The following NTNG2 variants were observed in gnomAD, a reference collection of about 807,000 sequenced individuals.
NTNG2 encodes netrin-G2.
NTNG2 carries 15 observed loss-of-function variants against 47.6 expected under a neutral mutation model. That is an observed-to-expected ratio of 0.32 (90% CI 0.21 to 0.49). The LOEUF (loss-of-function observed/expected upper bound fraction) is 0.49, where lower values mean the gene tolerates loss of function less well. Among genes scored for constraint, NTNG2 ranks in the 20% least tolerant of loss-of-function variants. NTNG2 has a pLI of 0.99. For synonymous variants in NTNG2, 307 were observed against 324.6 expected (o/e 0.95, Z 0.58); for missense variants, 578 against 764.6 (o/e 0.76, Z 2.88).
chr9:132,164,834 G>T (rs1364654593), intron 1 of NTNG2, among the ~76,000 whole-genome samples: 1 of 152,246 alleles, frequency 6.6e-6, no homozygotes. Context: ...TGAGTCCCAT[G>T]CCTGGAGCCC....
chr9:132,170,854 C>A (rs375029497), intron 2 of NTNG2, among the ~76,000 whole-genome samples: 1 of 152,280 alleles, frequency 6.6e-6, no homozygotes, highest in South Asian at 2.1e-4. Flanking sequence ...CCACAACTGC[C>A]GAGCCAGACT....
intron 7 of NTNG2, 127 bp downstream of exon 7, chr9:132,241,171 C>A (rs1589574466): frequency 8.2e-7 from 1 of 1,220,274 alleles, no homozygotes; most frequent in Non-Finnish European, 1.1e-6. Flanking sequence ...CGGGGCAGGG[C>A]CGGGGAAGTG....
At chr9:132,166,041 C>T (rs1835488969) in intron 1 of NTNG2, 1 of 152,184 alleles carries the variant, frequency 6.6e-6, no homozygotes, top group East Asian at 1.9e-4. Context: ...AAGTCAGACC[C>T]CAGGTACCTG....
intron 5 of NTNG2, among the ~76,000 whole-genome samples, chr9:132,235,650 G>A (rs1339070072): frequency 6.6e-6 from 1 of 152,118 alleles, no homozygotes; most frequent in African/African-American, 2.4e-5. Flanking sequence ...TTCCCCCCAA[G>A]AGTGGACCAG....
chr9:132,236,609 T>C lies in NTNG2; in HGVS notation c.1055-2495T>C, dbSNP rs188952585. Among the ~76,000 whole-genome samples, 912 of 152,178 alleles carry C rather than the reference T, an allele frequency of 6.0e-3. 4 individuals carry two copies. The highest frequency in any genetic ancestry group is 0.024 in the Middle Eastern group (7 of 294). ...GCGCTGGAAGCATGTTTAGAGAGGGTCTGAGGCTCGGTTCCTAGAAACCTG... is the reference window on the plus strand; with the variant it reads ...GCGCTGGAAGCATGTTTAGAGAGGGCCTGAGGCTCGGTTCCTAGAAACCTG... On this transcript the variant is annotated intron_variant, in intron 5 of 7. Coordinates refer to ENST00000393229, the MANE Select transcript of NTNG2 (RefSeq NM_032536.4). This position sits in a 1 kb window ranked among gnomAD's most constrained non-coding sequence, Gnocchi z 4.3.
intron 2 of NTNG2, among the ~76,000 whole-genome samples, chr9:132,184,108 G>T (rs1156520546): frequency 1.3e-5 from 2 of 152,330 alleles, no homozygotes; most frequent in East Asian, 1.9e-4. Context: ...ACGAGCCAGG[G>T]TTCATCCACA....
chr9:132,174,345 A>G (rs915561588), intron 2 of NTNG2, among the ~76,000 whole-genome samples: 7 of 131,162 alleles, frequency 5.3e-5, no homozygotes, highest in Admixed American at 2.9e-4. Flanking sequence ...GACAGGTCGA[A>G]CCATGCTGCA....
In NTNG2 at chr9:132,218,880, T is replaced by C. The variant is rs113889802; in HGVS notation, c.858-7969T>C. 0.012 allele frequency among the ~76,000 whole-genome samples: 1,837 copies of C among 152,352 alleles called. 28 individuals carry two copies. Among genetic ancestry groups the C allele is most frequent in the African/African-American group, 0.042 (1,743 of 41,578 alleles). On this transcript the variant is annotated intron_variant, in intron 3 of 7. Transcript: ENST00000393229. This position sits in a 1 kb window ranked among gnomAD's most constrained non-coding sequence, Gnocchi z 5.4. ...TACTGCAAGAAAAGCCTGGAAGCTG[T>C]AAGCCCTTCCCTGTTTCCACACATC...
intron 2 of NTNG2, among the ~76,000 whole-genome samples, chr9:132,179,989 T>C (rs1390360934): frequency 6.6e-6 from 1 of 152,030 alleles, no homozygotes; most frequent in Non-Finnish European, 1.5e-5. Flanking sequence ...CCTGTGAATC[T>C]AACCCTGGAG....
At position 132,163,862 on chromosome 9, in the gene NTNG2, C is replaced by CA. The variant is rs1239652828; in HGVS notation, c.-484+1623_-484+1624insA. Among the ~76,000 whole-genome samples, 2 of 152,246 alleles carry CA rather than the reference C, an allele frequency of 1.3e-5. No individual in the cohort carries two copies. Among genetic ancestry groups the CA allele is most frequent in the Non-Finnish European group, 2.9e-5 (2 of 68,028 alleles). On this transcript the variant is annotated intron_variant, in intron 1 of 7. Transcript: ENST00000393229. This position sits in a 1 kb window ranked among gnomAD's most constrained non-coding sequence, Gnocchi z 7.2. ...TTTAATACCCTGGCTATCAGCCCCC[C>CA]TTGGTTCCTGAGGACTCTTAAAAGA...
At chr9:132,235,670 G>A (rs552983227) in intron 5 of NTNG2, among the ~76,000 whole-genome samples, 9 of 152,240 alleles carry the variant, frequency 5.9e-5, no homozygotes, top group African/African-American at 2.2e-4. Flanking sequence ...GGCCATCTAC[G>A]GCTGCCCCTC....
chr9:132,180,914 C>T lies in NTNG2; in HGVS notation c.213+13870C>T, dbSNP rs1836886711. On this transcript the variant is annotated intron_variant, in intron 2 of 7. Coordinates refer to ENST00000393229, the MANE Select transcript of NTNG2 (RefSeq NM_032536.4). The surrounding 1 kb of genome is among the most constrained non-coding windows in gnomAD (Gnocchi z 4.2). ...GGGCTCATGCACAGGCACACACACA[C>T]ACATATAAGGTTGCAAACACTTTCA... Among the ~76,000 whole-genome samples the T allele has an allele frequency of 6.6e-6, 1 of 152,204 alleles. No individual in the cohort carries two copies. The highest frequency in any genetic ancestry group is 2.4e-5 in the African/African-American group (1 of 41,444).
chr9:132,227,239 G>A (rs568544792), intron 4 of NTNG2, among the ~76,000 whole-genome samples: 4 of 152,274 alleles, frequency 2.6e-5, no homozygotes, highest in South Asian at 4.1e-4. Flanking sequence ...AGAAACACAC[G>A]TGCGTGCATG....
chr9:132,183,292 G>A (rs7857072), intron 2 of NTNG2, among the ~76,000 whole-genome samples: 41,316 of 152,020 alleles, frequency 0.27, 5,740 homozygotes, highest in Non-Finnish European at 0.3. Context: ...TGTCACGGGC[G>A]CTGCTTAATG....
chr9:132,191,635 G>A (rs904319091), intron 2 of NTNG2, among the ~76,000 whole-genome samples: 1 of 151,856 alleles, frequency 6.6e-6, no homozygotes, highest in East Asian at 1.9e-4. Flanking sequence ...GCAGTGGCGC[G>A]ATCTCGGCTC....
intron 2 of NTNG2, among the ~76,000 whole-genome samples, chr9:132,192,858 G>A (rs184597220): frequency 5.3e-5 from 8 of 152,348 alleles, no homozygotes; most frequent in Admixed American, 3.9e-4. Flanking sequence ...GACTGAGCTC[G>A]CTCCACAGCA....
At chr9:132,187,388 G>A (rs870592) in intron 2 of NTNG2, among the ~76,000 whole-genome samples, 11,516 of 152,252 alleles carry the variant, frequency 0.076, 1,247 homozygotes, top group African/African-American at 0.24. Flanking sequence ...ATTCACGAGC[G>A]GGGAGGGTGA....
chr9:132,181,227 G>A (rs1018149132), intron 2 of NTNG2, among the ~76,000 whole-genome samples: 1 of 152,028 alleles, frequency 6.6e-6, no homozygotes, highest in African/African-American at 2.4e-5. Flanking sequence ...GGGATCACAG[G>A]CATGCACCAC....
chr9:132,230,129 A>G (rs1465733701), intron 4 of NTNG2, among the ~76,000 whole-genome samples: 1 of 152,228 alleles, frequency 6.6e-6, no homozygotes, highest in Admixed American at 6.5e-5. Flanking sequence ...AGCCGCTCCC[A>G]TGGCTTCTCA....
Sources: gnomAD v4.1 joint callset for allele counts (sites outside exome capture counted in the v4.1 genomes callset) on GRCh38, gnomAD v4.1.1 for gene constraint, Gnocchi (gnomAD v3.1) non-coding constraint, MANE v1.5 for transcripts, NCBI Gene and HGNC (gene_info 2026-07-23, HGNC 2026-07-21) for gene names.